TOX: variants seen among roughly 807,000 people sequenced by gnomAD.
TOX encodes the protein thymocyte selection associated high mobility group box, also known as thymocyte selection-associated high mobility group box protein TOX.
TOX carries 11 observed loss-of-function variants against 53.7 expected under a neutral mutation model. The ratio of observed to expected loss-of-function variants is 0.20; its 90% confidence interval spans 0.13 to 0.34. The LOEUF (loss-of-function observed/expected upper bound fraction) is 0.34. Ranked by LOEUF, TOX falls within the 10% of genes least tolerant of loss-of-function variation. The probability of loss-of-function intolerance (pLI) is 1.00; values close to 1 mark genes in which losing one functional copy is unlikely to be tolerated. For synonymous variants in TOX, 225 were observed against 245.3 expected (o/e 0.92, Z 0.77); for missense variants, 570 against 664.6 (o/e 0.86, Z 1.56).
chr8:58,970,734 A>C (rs1282446356), intron 1 of TOX, among the ~76,000 whole-genome samples: 1 of 152,216 alleles, frequency 6.6e-6, no homozygotes, highest in Non-Finnish European at 1.5e-5. Flanking sequence ...TATCTCTAGC[A>C]CTTAGCATAG....
At chr8:58,828,196 T>A (rs554812254) in intron 5 of TOX, among the ~76,000 whole-genome samples, 9 of 152,322 alleles carry the variant, frequency 5.9e-5, no homozygotes, top group African/African-American at 1.4e-4. Flanking sequence ...AAATTCGAGA[T>A]GTGAGAAATA....
intron 3 of TOX, among the ~76,000 whole-genome samples, chr8:58,858,466 C>G (rs1810952091): frequency 6.6e-6 from 1 of 152,238 alleles, no homozygotes; most frequent in South Asian, 2.1e-4. Flanking sequence ...TCTGATCCAG[C>G]TGTTAGAGTG....
chr8:58,808,272 G>A lies in TOX; in HGVS notation c.1393-3C>T. ...TAGTCGGGTTGAAGAGTAAATCCCT[G>A]AAAGGGAAAGCAAGTCCGCAAATAA... On this transcript the variant is annotated splice_region_variant and splice_polypyrimidine_tract_variant and intron_variant, in intron 7 of 8. Coordinates refer to ENST00000361421, the MANE Select transcript of TOX (RefSeq NM_014729.3). 2 of 1,602,090 alleles carry A rather than the reference G, an allele frequency of 1.2e-6. No individual in the cohort carries two copies. The highest frequency in any genetic ancestry group is 1.7e-6 in the Non-Finnish European group (2 of 1,176,120).
chr8:58,957,446 T>A (rs538388902), intron 2 of TOX, among the ~76,000 whole-genome samples: 2 of 152,184 alleles, frequency 1.3e-5, no homozygotes, highest in Admixed American at 1.3e-4. Flanking sequence ...TTTTAAGGAT[T>A]TGTATACTCT....
chr8:58,955,251 A>T (rs1490724191), intron 2 of TOX, among the ~76,000 whole-genome samples: 3 of 152,190 alleles, frequency 2.0e-5, no homozygotes, highest in Admixed American at 6.5e-5. Flanking sequence ...CAATCTCAGA[A>T]TCCTCTAAAA....
intron 6 of TOX, among the ~76,000 whole-genome samples, chr8:58,823,496 T>C (rs1438393058): frequency 1.3e-5 from 2 of 152,208 alleles, no homozygotes; most frequent in Non-Finnish European, 2.9e-5. Flanking sequence ...AGTGCTGGGA[T>C]TACATGCATG....
chr8:58,924,567 G>A (rs914726372), intron 3 of TOX, among the ~76,000 whole-genome samples: 1 of 152,224 alleles, frequency 6.6e-6, no homozygotes, highest in Non-Finnish European at 1.5e-5. Flanking sequence ...CTTCAGGCAT[G>A]ATTCTTCCTT....
chr8:58,823,849 A>G (rs1461846258), intron 6 of TOX, among the ~76,000 whole-genome samples: 1 of 152,248 alleles, frequency 6.6e-6, no homozygotes, highest in Non-Finnish European at 1.5e-5. Context: ...CATGGCCACA[A>G]ATTAGTGAAA....
intron 1 of TOX, among the ~76,000 whole-genome samples, chr8:59,059,345 C>G (rs1803938553): frequency 6.6e-6 from 1 of 152,110 alleles, no homozygotes; most frequent in Non-Finnish European, 1.5e-5. Context: ...TGAGCTCCTA[C>G]AGAATCCCCA....
intron 3 of TOX, among the ~76,000 whole-genome samples, chr8:58,910,784 T>C (rs971106730): frequency 6.6e-6 from 1 of 152,192 alleles, no homozygotes; most frequent in Non-Finnish European, 1.5e-5. Flanking sequence ...CTTATTTGTA[T>C]TCCTCTATTT....
chr8:58,922,220 CCTAA>C (rs1305803319), intron 3 of TOX, among the ~76,000 whole-genome samples: 2 of 152,142 alleles, frequency 1.3e-5, no homozygotes, highest in African/African-American at 2.4e-5. Context: ...TTGGAATTCT[CCTAA>C]CTGTGTGCTT....
At chr8:58,964,401 C>T (rs1472091615) in intron 1 of TOX, among the ~76,000 whole-genome samples, 1 of 152,146 alleles carries the variant, frequency 6.6e-6, no homozygotes, top group Non-Finnish European at 1.5e-5. Context: ...AAGATCCCAG[C>T]ATTCACAGGA....
chr8:58,981,373 C>A (rs116345383), intron 1 of TOX, among the ~76,000 whole-genome samples: 3,614 of 152,224 alleles, frequency 0.024, 136 homozygotes, highest in African/African-American at 0.082. Context: ...TTTCTACAAG[C>A]CTCTTTATTT....
At chr8:59,010,118 G>A (rs1342697924) in intron 1 of TOX, among the ~76,000 whole-genome samples, 2 of 152,054 alleles carry the variant, frequency 1.3e-5, no homozygotes, top group Admixed American at 6.5e-5. Flanking sequence ...TAGAATTCAC[G>A]AGTATAGGTT....
At chr8:58,939,583 T>C (rs1473228147) in intron 2 of TOX, 39 bp from the exon 3 acceptor site, 4 of 1,569,112 alleles carry the variant, frequency 2.5e-6, no homozygotes, top group South Asian at 1.2e-5. Context: ...CAAATTATCA[T>C]CTTCTTGCTC....
intron 1 of TOX, among the ~76,000 whole-genome samples, chr8:59,116,811 A>C (rs1253005346): frequency 6.6e-6 from 1 of 152,228 alleles, no homozygotes; most frequent in Non-Finnish European, 1.5e-5. Flanking sequence ...TAAAAAGAAC[A>C]GTTTGCTTCT....
At chr8:59,001,353 T>C (rs1055211962) in intron 1 of TOX, among the ~76,000 whole-genome samples, 9 of 152,222 alleles carry the variant, frequency 5.9e-5, no homozygotes, top group African/African-American at 1.9e-4. Context: ...TAAGTATTTG[T>C]GGTTCAATCT....
intron 5 of TOX, among the ~76,000 whole-genome samples, chr8:58,832,207 A>G (rs369326491): frequency 6.7e-6 from 1 of 148,242 alleles, no homozygotes; most frequent in East Asian, 1.9e-4. Context: ...TGTATATAAT[A>G]TATGTAATAT....
intron 3 of TOX, among the ~76,000 whole-genome samples, chr8:58,857,675 T>G (rs1323787901): frequency 1.3e-5 from 2 of 152,118 alleles, no homozygotes; most frequent in Non-Finnish European, 2.9e-5. Flanking sequence ...AGCTGAAGAG[T>G]GCCACGTTGA....
Sources: allele counts gnomAD v4.1 joint callset (sites outside exome capture counted in the v4.1 genomes callset), GRCh38; gene constraint gnomAD v4.1.1; transcripts MANE v1.5; gene names NCBI Gene and HGNC (gene_info 2026-07-23, HGNC 2026-07-21).